Variants in TUBAL3 observed in about 807,000 individuals in gnomAD.
TUBAL3 encodes tubulin alpha chain-like 3.
TUBAL3 carries 16 observed loss-of-function variants against 15.5 expected under a neutral mutation model. That is an observed-to-expected ratio of 1.04 (90% CI 0.70 to 1.57). The LOEUF is 1.57. Among genes scored for constraint, TUBAL3 ranks in the 40% most tolerant of loss-of-function variants. The pLI is 0.00. For synonymous variants in TUBAL3, 238 were observed against 224.3 expected, an observed-to-expected ratio of 1.06 and a Z score of -0.55; for missense variants, 609 against 576.2, an observed-to-expected ratio of 1.06 and a Z score of -0.58.
Position 5,395,577 on chromosome 10 carries a change from T to G in TUBAL3, c.248-102A>C. 1.6e-6 allele frequency: 2 copies of G among 1,231,790 alleles called. No homozygotes were observed. The highest frequency in any genetic ancestry group is 1.1e-6 in the Non-Finnish European group (1 of 934,106). The allele number at this position is 1,231,790 out of a possible 1,614,324, so 76.3% of individuals were successfully genotyped here. On this transcript the variant is annotated intron_variant, in intron 2 of 3. Transcript: ENST00000380419. This position sits in a 1 kb window ranked among gnomAD's most constrained non-coding sequence, Gnocchi z 4.6. The stretch of plus-strand genomic sequence containing the variant: ...GCCTCCCCGTACTTGACTCCCATGC[T>G]TTCTCTCAATATTGTGGTCCAGGAA...
Position 5,395,488 on chromosome 10 carries a change from A to G in TUBAL3, c.248-13T>C. 6.7e-7 allele frequency: 1 copy of G among 1,493,432 alleles called. No individual in the cohort carries two copies. The highest frequency in any genetic ancestry group is 9.0e-7 in the Non-Finnish European group (1 of 1,108,854). The allele number at this position is 1,493,432 out of a possible 1,614,324, so 92.5% of individuals were successfully genotyped here. On this transcript the variant is annotated splice_polypyrimidine_tract_variant and intron_variant, in intron 2 of 3. Coordinates refer to ENST00000380419, the MANE Select transcript of TUBAL3 (RefSeq NM_024803.3). This position sits in a 1 kb window ranked among gnomAD's most constrained non-coding sequence, Gnocchi z 4.6. ...GTCCGGATCCCATCTGCAGAGGGTG[A>G]AAGGAGGTCAGTGCAACTCACCCAG...
chr10:5,393,889 G>A lies in TUBAL3; in HGVS notation c.969C>T (p.Cys323=). 6.2e-7 allele frequency: 1 copy of A among 1,614,218 alleles called. No homozygotes were observed. The highest frequency in any genetic ancestry group is 8.5e-7 in the Non-Finnish European group (1 of 1,180,040). ...DPRLGKYMAC[C]LLYRGDVVPK... Reference sequence around the variant, plus strand: ...GGACCACATCCCCTCTATAGAGTAGGCAGCAGGCCATGTACTTCCCAAGCC... The same window carrying A: ...GGACCACATCCCCTCTATAGAGTAGACAGCAGGCCATGTACTTCCCAAGCC... Residue 323 remains cysteine (C), a synonymous_variant, in exon 4 of 4, where the codon TGC becomes TGT. Coordinates refer to ENST00000380419, the MANE Select transcript of TUBAL3 (RefSeq NM_024803.3).
Position 5,400,920 on chromosome 10 carries a change from A to G in TUBAL3, c.171T>C (p.Asp57=), listed in dbSNP as rs1554814574. ...CAGCTCTTGTCTCACAGAAGAAGGT[A>G]TCGAAAGATGCATTTGTGTGCTCCA... The part of the protein sequence containing the change: ...AKMEHTNASF[D]TFFCETRAGK... Residue 57 remains aspartate (D), a synonymous_variant, in exon 2 of 4, where the codon GAT becomes GAC. Coordinates refer to ENST00000380419, the MANE Select transcript of TUBAL3 (RefSeq NM_024803.3). The G allele has an allele frequency of 1.2e-6, 2 of 1,614,230 alleles. No individual in the cohort carries two copies. The highest frequency in any genetic ancestry group is 1.7e-6 in the Non-Finnish European group (2 of 1,180,042).
chr10:5,398,773 G>T lies in TUBAL3; in HGVS notation c.247+2071C>A, dbSNP rs75369002. On this transcript the variant is annotated intron_variant, in intron 2 of 3. Transcript: ENST00000380419. ...GATCGTTTTGCAATATTTTTTTTTG[G>T]TTCATCAGCTGTTGTTAGTGTGAGT... is the stretch of plus-strand genomic sequence containing the variant. Among the ~76,000 whole-genome samples, 1,421 of 151,996 alleles carry T rather than the reference G, an allele frequency of 9.3e-3. 12 individuals carry two copies. The highest frequency in any genetic ancestry group is 0.021 in the South Asian group (100 of 4,814).
At chr10:5,404,313 T>C (rs1831900144) in intron 1 of TUBAL3, among the ~76,000 whole-genome samples, 1 of 152,222 alleles carries the variant, frequency 6.6e-6, no homozygotes, top group South Asian at 2.1e-4. Context: ...CTATTCATTG[T>C]GGTGCCCAAA....
intron 2 of TUBAL3, among the ~76,000 whole-genome samples, chr10:5,399,714 C>A (rs1365140036): frequency 6.6e-6 from 1 of 152,178 alleles, no homozygotes; most frequent in Non-Finnish European, 1.5e-5. Context: ...ATTCGTCAGC[C>A]TCTCCTTTTC....
In TUBAL3 at chr10:5,403,563, C is replaced by T. The variant is rs538448607; in HGVS notation, c.3+1227G>A. 2.9e-3 allele frequency among the ~76,000 whole-genome samples: 432 copies of T among 151,448 alleles called. 1 individual carries two copies. The highest frequency in any genetic ancestry group is 0.01 in the Middle Eastern group (3 of 288). Reference sequence around the variant, plus strand: ...AACATTAAAAAAAAAAAAGATTGTTCCTCTTCACGTGGTCTGTTCAAGTGA... The same window carrying T: ...AACATTAAAAAAAAAAAAGATTGTTTCTCTTCACGTGGTCTGTTCAAGTGA... On this transcript the variant is annotated intron_variant, in intron 1 of 3. Coordinates refer to ENST00000380419, the MANE Select transcript of TUBAL3 (RefSeq NM_024803.3).
chr10:5,397,263 T>C lies in TUBAL3; in HGVS notation c.248-1788A>G, dbSNP rs1554814243. 6.6e-6 allele frequency among the ~76,000 whole-genome samples: 1 copy of C among 152,194 alleles called. No individual in the cohort carries two copies. Among genetic ancestry groups the C allele is most frequent in the Non-Finnish European group, 1.5e-5 (1 of 68,038 alleles). On this transcript the variant is annotated intron_variant, in intron 2 of 3. Coordinates refer to ENST00000380419, the MANE Select transcript of TUBAL3 (RefSeq NM_024803.3). This position sits in a 1 kb window ranked among gnomAD's most constrained non-coding sequence, Gnocchi z 4.9. ...TGACCATGAATTTCTAAACTCCAATTTTGCAACCTCTCAAATAATATTTAT... is the reference window on the plus strand; with the variant it reads ...TGACCATGAATTTCTAAACTCCAATCTTGCAACCTCTCAAATAATATTTAT...
chr10:5,403,364 G>A (rs1831884132), intron 1 of TUBAL3, among the ~76,000 whole-genome samples: 5 of 152,148 alleles, frequency 3.3e-5, no homozygotes, highest in Admixed American at 3.3e-4. Flanking sequence ...TTTAAAAGGA[G>A]AGGGTGAACG....
chr10:5,402,706 G>A (rs543275088), intron 1 of TUBAL3, among the ~76,000 whole-genome samples: 10 of 152,198 alleles, frequency 6.6e-5, no homozygotes, highest in Non-Finnish European at 1.3e-4. Context: ...GCCTCCTGTC[G>A]GATCAGCGGC....
In TUBAL3 at chr10:5,395,302, T is replaced by G; in HGVS notation, c.396+25A>C. 3 of 1,481,966 alleles carry G rather than the reference T, an allele frequency of 2.0e-6. No individual in the cohort carries two copies. The highest frequency in any genetic ancestry group is 1.4e-5 in the South Asian group (1 of 73,038). 91.8% of individuals were successfully genotyped at this position (1,481,966 alleles called of 1,614,324 possible). A position where few individuals can be genotyped will look rare whatever the true frequency, so the allele number is the denominator to read the frequency against. On this transcript the variant is annotated intron_variant, in intron 3 of 3. Coordinates refer to ENST00000380419, the MANE Select transcript of TUBAL3 (RefSeq NM_024803.3). This position sits in a 1 kb window ranked among gnomAD's most constrained non-coding sequence, Gnocchi z 4.6. ...CCCACATGCCCCAGGCACAGCCCAC[T>G]CGGAGGAGAGGGGGAGCCACTTGCC...
Position 5,397,009 on chromosome 10 carries a change from G to A in TUBAL3, c.248-1534C>T, listed in dbSNP as rs1306885067. 1.3e-5 allele frequency among the ~76,000 whole-genome samples: 2 copies of A among 152,140 alleles called. No homozygotes were observed. Among genetic ancestry groups the A allele is most frequent in the Non-Finnish European group, 2.9e-5 (2 of 68,030 alleles). ...AAGATCTACCCCATTGAGCTGTTAC[G>A]AGAACATAGGGCACAACGCACGGCC... On this transcript the variant is annotated intron_variant, in intron 2 of 3. Transcript: ENST00000380419. The surrounding 1 kb of genome is among the most constrained non-coding windows in gnomAD (Gnocchi z 4.9).
chr10:5,400,703 G>A (rs1831836511), intron 2 of TUBAL3, 141 bp downstream of exon 2: 2 of 944,192 alleles, frequency 2.1e-6, no homozygotes, highest in African/African-American at 1.6e-5. Context: ...AATCACCCAT[G>A]GCCACTGAGT....
rs1194983781 is a variant in TUBAL3, at chr10:5,397,332, C to T, written c.248-1857G>A. ...ACTTTTAACTAGCTTACACACAAAC[C>T]TCCCCCAGAGCTAGGATGTTTAAAA... On this transcript the variant is annotated intron_variant, in intron 2 of 3. Transcript: ENST00000380419. This position sits in a 1 kb window ranked among gnomAD's most constrained non-coding sequence, Gnocchi z 4.9. Among the ~76,000 whole-genome samples the T allele has an allele frequency of 6.6e-6, 1 of 152,152 alleles. No individual in the cohort carries two copies. The highest frequency in any genetic ancestry group is 1.5e-5 in the Non-Finnish European group (1 of 68,038).
Position 5,394,060 on chromosome 10 carries a change from C to G in TUBAL3, c.798G>C (p.Leu266=). 1 of 1,614,144 alleles carries G rather than the reference C, an allele frequency of 6.2e-7. No homozygotes were observed. The highest frequency in any genetic ancestry group is 8.5e-7 in the Non-Finnish European group (1 of 1,180,022). The change falls in exon 4 of 4, where the codon CTG becomes CTC. Residue 266 remains leucine (L), a synonymous_variant. Coordinates refer to ENST00000380419, the MANE Select transcript of TUBAL3 (RefSeq NM_024803.3). The surrounding 1 kb of genome is among the most constrained non-coding windows in gnomAD (Gnocchi z 4.3). ...GGAAATGTATTCTCGGATAAGGTAC[C>G]AGGTTGGTCTGGAATTCAATTAGGT... is the stretch of plus-strand genomic sequence containing the variant. ...NVDLIEFQTN[L]VPYPRIHFPM...
chr10:5,394,404 T>C lies in TUBAL3; in HGVS notation c.454A>G (p.Thr152Ala), dbSNP rs1359838584. The C allele has an allele frequency of 6.2e-7, 1 of 1,613,774 alleles. No homozygotes were observed. Among genetic ancestry groups the C allele is most frequent in the African/African-American group, 1.3e-5 (1 of 74,904 alleles). ...AAGAGAGACGTAAACCCTGAACCAG[T>C]GCCTCCTCCAAAGCTTCGGAAAATC... ...FLIFRSFGGG[T>A]GSGFTSLLME... Residue 152 changes from threonine (T) to alanine (A), a missense_variant, in exon 4 of 4, where the codon ACT becomes GCT. By Grantham distance (58) the Thr-to-Ala change is moderately conservative (BLOSUM62 0). Coordinates refer to ENST00000380419, the MANE Select transcript of TUBAL3 (RefSeq NM_024803.3). The surrounding 1 kb of genome is among the most constrained non-coding windows in gnomAD (Gnocchi z 4.3).
Position 5,400,854 on chromosome 10 carries a change from T to C in TUBAL3, c.237A>G (p.Pro79=). ...GAACATTTATTGTACCTATAACAGTTGGCTCCAAGTCCACGAAGAGTGCTC... is the reference window on the plus strand; with the variant it reads ...GAACATTTATTGTACCTATAACAGTCGGCTCCAAGTCCACGAAGAGTGCTC... ...VPRALFVDLE[P]TVIDGIRTGQ... The change falls in exon 2 of 4, where the codon CCA becomes CCG. Residue 79 remains proline (P), a synonymous_variant. Transcript: ENST00000380419. The C allele has an allele frequency of 6.2e-7, 1 of 1,614,200 alleles. No individual in the cohort carries two copies. Among genetic ancestry groups the C allele is most frequent in the Non-Finnish European group, 8.5e-7 (1 of 1,180,042 alleles).
chr10:5,394,122 T>C lies in TUBAL3; in HGVS notation c.736A>G (p.Thr246Ala), dbSNP rs1197846576. The C allele has an allele frequency of 1.9e-6, 3 of 1,614,052 alleles. No individual in the cohort carries two copies. The highest frequency in any genetic ancestry group is 1.7e-5 in the Admixed American group (1 of 60,006). The part of the protein sequence containing the change: ...RLVVQVVSSI[T>A]ASLRFEGPLN... Reference sequence around the variant, plus strand: ...GGCCCTTCAAACCGGAGGGAGGCAGTGATGGAAGATACCACCTGAACCACC... The same window carrying C: ...GGCCCTTCAAACCGGAGGGAGGCAGCGATGGAAGATACCACCTGAACCACC... The change falls in exon 4 of 4, where the codon ACT becomes GCT. Residue 246 changes from threonine to alanine, a missense_variant. By Grantham distance (58) the Thr-to-Ala change is moderately conservative (BLOSUM62 0). Transcript: ENST00000380419. The surrounding 1 kb of genome is among the most constrained non-coding windows in gnomAD (Gnocchi z 4.3).
In TUBAL3 at chr10:5,393,564, G is replaced by A; in HGVS notation, c.1294C>T (p.Leu432=). Residue 432 remains leucine (L), a synonymous_variant, in exon 4 of 4, where the codon CTG becomes TTG. Transcript: ENST00000380419. The part of the protein sequence containing the change: ...EAEFLEARED[L]AALERDYEEV... ...TCATAGTCCCTCTCCAGGGCTGCCA[G>A]ATCTTCCCTGGCCTCCAAGAACTCT... The A allele has an allele frequency of 6.2e-7, 1 of 1,613,958 alleles. No homozygotes were observed. Among genetic ancestry groups the A allele is most frequent in the Non-Finnish European group, 8.5e-7 (1 of 1,179,926 alleles).
Sources: gnomAD v4.1 joint callset for allele counts (sites outside exome capture counted in the v4.1 genomes callset) on GRCh38, gnomAD v4.1.1 for gene constraint, Gnocchi (gnomAD v3.1) non-coding constraint, MANE v1.5 for transcripts, NCBI Gene and HGNC (gene_info 2026-07-23, HGNC 2026-07-21) for gene names.